GALNTL6: variants seen among roughly 807,000 people sequenced by gnomAD.
The protein encoded by GALNTL6 is polypeptide N-acetylgalactosaminyltransferase like 6, also known as polypeptide N-acetylgalactosaminyltransferase-like 6.
A neutral mutation model predicts 73.7 loss-of-function variants in GALNTL6; 46 were observed. The ratio of observed to expected loss-of-function variants is 0.62; its 90% CI spans 0.49 to 0.80. GALNTL6 has a LOEUF of 0.80. GALNTL6 is among the 30% of genes least tolerant of loss of function. The probability of loss-of-function intolerance (pLI) is 0.00; values close to 1 mark genes in which losing one functional copy is unlikely to be tolerated. For synonymous variants in GALNTL6, 259 were observed against 263.7 expected (o/e 0.98, Z 0.17); for missense variants, 604 against 755.0 (o/e 0.80, Z 2.34).
chr4:172,094,359 G>T (rs1732291097), intron 2 of GALNTL6, among the ~76,000 whole-genome samples: 1 of 151,968 alleles, frequency 6.6e-6, no homozygotes, highest in Admixed American at 6.6e-5. Context: ...ATGATTATTT[G>T]ATTTGTATTC....
At chr4:172,565,117 C>T (rs1440002546) in intron 5 of GALNTL6, among the ~76,000 whole-genome samples, 1 of 152,176 alleles carries the variant, frequency 6.6e-6, no homozygotes, top group African/African-American at 2.4e-5. Flanking sequence ...CAATTCCTTT[C>T]AACCTCTTTT....
intron 2 of GALNTL6, among the ~76,000 whole-genome samples, chr4:171,891,276 A>AG (rs1736753189): frequency 6.6e-6 from 1 of 152,212 alleles, no homozygotes; most frequent in Non-Finnish European, 1.5e-5. Flanking sequence ...CTGGAGGCAC[A>AG]TATCTAGGGT....
rs549762863 is a variant in GALNTL6 at position 172,045,894 on chromosome 4, C to T, written c.139-183762C>T. On this transcript the variant is annotated intron_variant, in intron 2 of 12. Coordinates refer to ENST00000506823, the MANE Select transcript of GALNTL6 (RefSeq NM_001034845.3). ...TCTGTAATCACTATTGTACTCTCTG[C>T]TTCTATGAGTTTGATTGTTTTAGAT... Among the ~76,000 whole-genome samples, 7 of 152,100 alleles carry T rather than the reference C, an allele frequency of 4.6e-5. No homozygotes were observed. The South Asian group carries it at 1.4e-3, about 32-fold the overall frequency.
intron 4 of GALNTL6, among the ~76,000 whole-genome samples, chr4:172,323,987 GATT>G (rs1170273139): frequency 6.6e-6 from 1 of 151,886 alleles, no homozygotes; most frequent in East Asian, 1.9e-4. Flanking sequence ...GAATTCCTTT[GATT>G]ATTTCAAAAT....
At chr4:171,947,354 T>C (rs1738734660) in intron 2 of GALNTL6, among the ~76,000 whole-genome samples, 1 of 152,040 alleles carries the variant, frequency 6.6e-6, no homozygotes. Context: ...GAATTATAGG[T>C]TGTAAGGGAA....
chr4:172,997,407 C>T (rs1430517335), intron 10 of GALNTL6, among the ~76,000 whole-genome samples: 5 of 151,992 alleles, frequency 3.3e-5, no homozygotes, highest in Non-Finnish European at 4.4e-5. Context: ...CACAGCATGG[C>T]GAGAGTGCAG....
intron 10 of GALNTL6, among the ~76,000 whole-genome samples, chr4:173,006,791 G>A (rs1752318055): frequency 6.6e-6 from 1 of 152,182 alleles, no homozygotes; most frequent in Non-Finnish European, 1.5e-5. Context: ...TGGGTTCCAG[G>A]AAAACCAACT....
chr4:172,346,988 CT>C (rs34332250), intron 4 of GALNTL6, among the ~76,000 whole-genome samples: 22,077 of 114,058 alleles, frequency 0.19, 1,381 homozygotes, highest in East Asian at 0.35. Context: ...TGTTTTCTTT[CT>C]TTTTTTTTTT....
intron 8 of GALNTL6, among the ~76,000 whole-genome samples, chr4:172,930,638 C>T (rs1748282259): frequency 7.9e-5 from 12 of 152,136 alleles, no homozygotes; most frequent in Admixed American, 7.9e-4. Flanking sequence ...CTTAAGCCAA[C>T]ATGTTGTCTA....
chr4:172,445,804 T>A (rs1336753091), intron 5 of GALNTL6, among the ~76,000 whole-genome samples: 1 of 152,196 alleles, frequency 6.6e-6, no homozygotes, highest in Non-Finnish European at 1.5e-5. Flanking sequence ...TGTTATTCAT[T>A]GAGAAGATGG....
At chr4:172,769,992 G>A (rs1051359512) in intron 5 of GALNTL6, among the ~76,000 whole-genome samples, 3 of 152,054 alleles carry the variant, frequency 2.0e-5, no homozygotes, top group Non-Finnish European at 2.9e-5. Context: ...AGCTGGGCGC[G>A]GTGGCTCACA....
chr4:171,932,799 T>C (rs1158516166), intron 2 of GALNTL6, among the ~76,000 whole-genome samples: 4 of 152,306 alleles, frequency 2.6e-5, no homozygotes, highest in South Asian at 2.1e-4. Flanking sequence ...ATTTTATACA[T>C]AGCAACACAA....
At chr4:172,400,420 C>T (rs757735314) in intron 5 of GALNTL6, among the ~76,000 whole-genome samples, 5 of 151,986 alleles carry the variant, frequency 3.3e-5, no homozygotes, top group Non-Finnish European at 5.9e-5. Flanking sequence ...ATAATGAATG[C>T]CAAGCATTAT....
intron 2 of GALNTL6, among the ~76,000 whole-genome samples, chr4:172,220,674 A>G (rs1474335513): frequency 2.0e-5 from 3 of 151,890 alleles, no homozygotes; most frequent in African/African-American, 7.2e-5. Context: ...ATTAGGACAG[A>G]CAGGCAAAAA....
intron 8 of GALNTL6, among the ~76,000 whole-genome samples, chr4:172,928,223 G>A (rs1361436672): frequency 6.6e-6 from 1 of 152,138 alleles, no homozygotes; most frequent in African/African-American, 2.4e-5. Context: ...TTTACAGAAA[G>A]AGTTTGCATA....
At chr4:173,006,136 G>A (rs1188559687) in intron 10 of GALNTL6, among the ~76,000 whole-genome samples, 1 of 152,076 alleles carries the variant, frequency 6.6e-6, no homozygotes, top group Non-Finnish European at 1.5e-5. Context: ...AATGCCAGCC[G>A]ACATAGGAGA....
intron 5 of GALNTL6, among the ~76,000 whole-genome samples, chr4:172,356,620 A>G (rs911448944): frequency 3.3e-5 from 5 of 152,178 alleles, no homozygotes; most frequent in African/African-American, 9.6e-5. Flanking sequence ...TTTTAACAAA[A>G]TTCTCCCCTA....
At chr4:172,399,428 A>C (rs905392384) in intron 5 of GALNTL6, among the ~76,000 whole-genome samples, 2 of 152,006 alleles carry the variant, frequency 1.3e-5, no homozygotes, top group East Asian at 3.9e-4. Flanking sequence ...TTTTAGTACA[A>C]ATTGTCTTTA....
At chr4:172,689,258 G>A (rs1733118313) in intron 5 of GALNTL6, among the ~76,000 whole-genome samples, 1 of 152,092 alleles carries the variant, frequency 6.6e-6, no homozygotes, top group Non-Finnish European at 1.5e-5. Flanking sequence ...AAGGTAGACT[G>A]TACAATATAG....
Sources: allele counts gnomAD v4.1 joint callset (sites outside exome capture counted in the v4.1 genomes callset), GRCh38; gene constraint gnomAD v4.1.1; transcripts MANE v1.5; gene names NCBI Gene and HGNC (gene_info 2026-07-23, HGNC 2026-07-21).